Variants in SYTL5 observed in about 807,000 individuals in gnomAD.
SYTL5 encodes the protein synaptotagmin-like protein 5.
In SYTL5, 34 loss-of-function variants were observed where a neutral mutation model predicts 55.9. That is an observed-to-expected ratio of 0.61 (90% CI 0.46 to 0.81). The LOEUF (loss-of-function observed/expected upper bound fraction) is 0.81. SYTL5 is among the 30% of genes least tolerant of loss of function. The pLI, the probability that SYTL5 is intolerant of heterozygous loss-of-function variation, is 0.00. For missense variants in SYTL5, 637 were observed against 546.7 expected (o/e 1.17, Z -1.65); for synonymous variants, 221 against 188.7 (o/e 1.17, Z -1.40).
intron 13 of SYTL5, among the ~76,000 whole-genome samples, chrX:38,118,950 TAC>T (rs200930412): frequency 9.4e-5 from 8 of 84,692 alleles, no homozygotes; most frequent in Admixed American, 4.2e-4. Flanking sequence ...TGTACGCATA[TAC>T]ATATATATAT....
intron 1 of SYTL5, among the ~76,000 whole-genome samples, chrX:38,023,603 G>T (rs768701010): frequency 9.0e-6 from 1 of 111,041 alleles, no homozygotes; most frequent in Admixed American, 9.6e-5. Flanking sequence ...TTTTCAGCTC[G>T]CAATATAACT....
the SYTL5 span, among the ~76,000 whole-genome samples, chrX:37,897,510 G>A: frequency 9.1e-6 from 1 of 109,951 alleles, no homozygotes; most frequent in African/African-American, 3.3e-5. Context: ...AGGGCAGAGG[G>A]CAGAGAGTTA....
intron 2 of SYTL5, among the ~76,000 whole-genome samples, chrX:38,036,950 T>C (rs1267625783): frequency 2.7e-5 from 3 of 111,828 alleles, no homozygotes; most frequent in Non-Finnish European, 3.8e-5. Flanking sequence ...AGCCCTATAG[T>C]TGGTTTGTGG....
At chrX:37,956,208 A>T in the SYTL5 span, among the ~76,000 whole-genome samples, 26 of 111,984 alleles carry the variant, frequency 2.3e-4, no homozygotes, top group African/African-American at 8.4e-4. Flanking sequence ...TGCTCAGTGT[A>T]ATTTGGGGCA....
Position 38,054,389 on chromosome X carries a change from G to A in SYTL5, c.296G>A (p.Gly99Asp), listed in dbSNP as rs1262452125. 1.7e-6 allele frequency: 2 copies of A among 1,211,452 alleles called. No individual in the cohort carries two copies. Among genetic ancestry groups the A allele is most frequent in the Admixed American group, 4.3e-5 (2 of 45,996 alleles). ...GAGTGTCGAGTTGCAGGCCCCAATGGCAGCTGGAAGTGCACTGTCTGTGAC... is the reference window on the plus strand; with the variant it reads ...GAGTGTCGAGTTGCAGGCCCCAATGACAGCTGGAAGTGCACTGTCTGTGAC... ...CRECRVAGPN[G>D]SWKCTVCDKI... is the part of the protein sequence containing the mutation. Residue 99 changes from glycine (G) to aspartate (D), a missense_variant, in exon 3 of 17, where the codon GGC becomes GAC. Transcript: ENST00000297875.
chrX:38,044,005 T>G (rs1935383870), intron 2 of SYTL5, among the ~76,000 whole-genome samples: 1 of 110,150 alleles, frequency 9.1e-6, no homozygotes, highest in Admixed American at 9.8e-5. Context: ...AAACCGGCAA[T>G]CTGAGAAAAT....
Position 38,122,192 on chromosome X carries a change from C to G in SYTL5, c.1818C>G (p.Gly606=), listed in dbSNP as rs144998633. ...AKNLTAVKSG[G]TSDSFVKGYL... ...ATTTGACAGCAGTGAAGTCAGGAGG[C>G]ACTTCTGATAGCTTTGTGAAGGGGT... is the stretch of plus-strand genomic sequence containing the variant. The change falls in exon 15 of 17, where the codon GGC becomes GGG. Residue 606 remains glycine (G), a synonymous_variant. Transcript: ENST00000297875. 9.1e-6 allele frequency: 11 copies of G among 1,205,519 alleles called. No homozygotes were observed. The highest frequency in any genetic ancestry group is 1.2e-5 in the Non-Finnish European group (11 of 892,274).
At chrX:37,970,067 G>A in the SYTL5 span, among the ~76,000 whole-genome samples, 3 of 112,191 alleles carry the variant, frequency 2.7e-5, no homozygotes, top group Non-Finnish European at 5.6e-5. Flanking sequence ...ATAAAATTTT[G>A]TTTTAACCAA....
intron 9 of SYTL5, 63 bp downstream of exon 9, chrX:38,096,297 A>G (rs1379087850): frequency 2.4e-5 from 16 of 678,408 alleles, no homozygotes; most frequent in South Asian, 8.7e-5. Context: ...TCTTGCTCCA[A>G]GTGGTTTCAC....
At chrX:37,892,556 T>TAC in the SYTL5 span, among the ~76,000 whole-genome samples, 4 of 97,452 alleles carry the variant, frequency 4.1e-5, no homozygotes, top group Non-Finnish European at 8.1e-5. Flanking sequence ...ATGTTATATA[T>TAC]ACATATATTG....
chrX:38,060,399 A>G (rs1199058984), intron 3 of SYTL5, among the ~76,000 whole-genome samples: 1 of 111,885 alleles, frequency 8.9e-6, no homozygotes, highest in East Asian at 2.8e-4. Flanking sequence ...TACATGCTCT[A>G]TATTTTACTT....
intron 6 of SYTL5, among the ~76,000 whole-genome samples, chrX:38,080,373 C>T (rs1369672259): frequency 2.7e-5 from 3 of 111,897 alleles, no homozygotes; most frequent in Non-Finnish European, 3.8e-5. Flanking sequence ...TGTGAACAGA[C>T]GGTGGGACCT....
At chrX:38,041,170 G>T (rs754732839) in intron 2 of SYTL5, among the ~76,000 whole-genome samples, 1 of 111,722 alleles carries the variant, frequency 9.0e-6, no homozygotes, top group Non-Finnish European at 1.9e-5. Flanking sequence ...GGAGGGGAGC[G>T]TGCATTCAAA....
chrX:38,117,093 A>C (rs1367606352), intron 13 of SYTL5, among the ~76,000 whole-genome samples: 1 of 112,154 alleles, frequency 8.9e-6, no homozygotes, highest in African/African-American at 3.2e-5. Context: ...GATTCTGCTA[A>C]CTTTTTCTGA....
At chrX:38,098,237 C>T (rs1450952787) in intron 9 of SYTL5, among the ~76,000 whole-genome samples, 1 of 111,137 alleles carries the variant, frequency 9.0e-6, no homozygotes, top group Non-Finnish European at 1.9e-5. Context: ...TCAAAAGACA[C>T]CACTACAGAT....
In SYTL5 at chrX:38,118,920, A is replaced by AATAT. The variant is rs61288420; in HGVS notation, c.1597-1421_1597-1418dup. ...CAGGTGCATGCCACCATGCCCAGCT[A>AATAT]ATATATATATATATATATATGTACG... is the stretch of plus-strand genomic sequence containing the variant. On this transcript the variant is annotated intron_variant, in intron 13 of 16. Coordinates refer to ENST00000297875, the MANE Select transcript of SYTL5 (RefSeq NM_138780.3). Among the ~76,000 whole-genome samples, 13 of 89,003 alleles carry AATAT rather than the reference A, an allele frequency of 1.5e-4. 1 individual carries two copies. The highest frequency in any genetic ancestry group is 2.7e-4 in the African/African-American group (6 of 22,622). The allele number at this position is 89,003 out of a possible 115,157, so 77.3% of individuals were successfully genotyped here.
At chrX:38,002,810 G>A (rs1602291346), upstream of SYTL5, among the ~76,000 whole-genome samples, 1 of 111,608 alleles carries the variant, frequency 9.0e-6, no homozygotes, top group South Asian at 3.8e-4. Flanking sequence ...CTCCCATTCT[G>A]TAGGTTGCCT....
At chrX:37,914,100 A>T in the SYTL5 span, among the ~76,000 whole-genome samples, 3 of 112,017 alleles carry the variant, frequency 2.7e-5, no homozygotes, top group Non-Finnish European at 5.6e-5. Context: ...ATGAATGTGG[A>T]TCAATAGGAA....
At chrX:38,061,031 A>C (rs183615963) in intron 3 of SYTL5, among the ~76,000 whole-genome samples, 5 of 111,983 alleles carry the variant, frequency 4.5e-5, no homozygotes, top group Non-Finnish European at 9.4e-5. Context: ...GTCTATCTTC[A>C]ATGGTTACAC....
Sources: gnomAD v4.1 joint callset for allele counts (sites outside exome capture counted in the v4.1 genomes callset) on GRCh38, gnomAD v4.1.1 for gene constraint, MANE v1.5 for transcripts, NCBI Gene and HGNC (gene_info 2026-07-23, HGNC 2026-07-21) for gene names.